Variants in CEP120 observed in about 807,000 individuals in gnomAD.
CEP120 encodes the protein centrosomal protein of 120 kDa.
Under a neutral mutation model 126.5 loss-of-function variants are expected in CEP120, and 113 were observed. That is an observed-to-expected ratio of 0.89 (90% CI 0.77 to 1.04). CEP120 has a LOEUF of 1.04. Ranked by LOEUF, CEP120 falls within the 50% of genes least tolerant of loss-of-function variation. The pLI, the probability that CEP120 is intolerant of heterozygous loss-of-function variation, is 0.00. For synonymous variants in CEP120, 400 were observed against 394.3 expected (o/e 1.01, Z -0.17); for missense variants, 1,230 against 1,155.7 (o/e 1.06, Z -0.93).
rs201232590 is a variant in CEP120 at position 123,377,356 on chromosome 5, A to G, written c.2358+18T>C. On this transcript the variant is annotated intron_variant, in intron 16 of 19. Transcript: ENST00000306467. ...CAAATAAACTAAGCATAAAAAGATG[A>G]CAAGTACGTTATCCAACCTGTTGCT... 85 of 1,598,124 alleles carry G rather than the reference A, an allele frequency of 5.3e-5. 1 individual carries two copies. Among genetic ancestry groups the G allele is most frequent in the Non-Finnish European group, 2.0e-5 (24 of 1,175,626 alleles).
chr5:123,391,464 G>T, intron 6 of CEP120, 127 bp from the exon 7 acceptor site: 1 of 659,114 alleles, frequency 1.5e-6, no homozygotes. Context: ...ATACCTCATT[G>T]ACCTCAAGTG....
chr5:123,358,099 A>G (rs1580638149), intron 18 of CEP120, among the ~76,000 whole-genome samples: 1 of 152,270 alleles, frequency 6.6e-6, no homozygotes, highest in East Asian at 1.9e-4. Flanking sequence ...AAATTGTGCA[A>G]TATTTATAGA....
intron 14 of CEP120, among the ~76,000 whole-genome samples, chr5:123,379,793 T>A (rs1771515082): frequency 6.6e-6 from 1 of 152,072 alleles, no homozygotes; most frequent in African/African-American, 2.4e-5. Flanking sequence ...TAATGCAGAG[T>A]GTATTTCAAA....
intron 17 of CEP120, among the ~76,000 whole-genome samples, chr5:123,367,922 C>CAAA (rs1770579567): frequency 6.6e-6 from 1 of 151,856 alleles, no homozygotes; most frequent in African/African-American, 2.4e-5. Context: ...CTCTTTGTCA[C>CAAA]TATTTTAAGA....
chr5:123,381,369 T>C (rs1395567118), intron 14 of CEP120, among the ~76,000 whole-genome samples: 1 of 126,350 alleles, frequency 7.9e-6, no homozygotes, highest in Non-Finnish European at 1.7e-5. Flanking sequence ...GAGGGGGTTA[T>C]AGAGAGAAGG....
At position 123,388,752 on chromosome 5, in the gene CEP120, A is replaced by G. The variant is rs6595441; in HGVS notation, c.1256-146T>C. Reference sequence around the variant, plus strand: ...TCATGAACATATGAATTGAGGTATAAGTATCTTAAAAGTAACTCACACAAA... The same window carrying G: ...TCATGAACATATGAATTGAGGTATAGGTATCTTAAAAGTAACTCACACAAA... On this transcript the variant is annotated intron_variant, in intron 8 of 19. Coordinates refer to ENST00000306467, the MANE Select transcript of CEP120 (RefSeq NM_001375405.1). The G allele has an allele frequency of 0.26, 140,032 of 531,558 alleles. 19,832 individuals are homozygous for G. The highest frequency in any genetic ancestry group is 0.31 in the African/African-American group (16,085 of 51,296). 32.9% of individuals were successfully genotyped at this position (531,558 alleles called of 1,614,324 possible).
rs2126954667 is a variant in CEP120, at chr5:123,345,375, C to T, written c.*1144G>A. 1 of 152,186 alleles carries T rather than the reference C, an allele frequency of 6.6e-6. No homozygotes were observed. Among genetic ancestry groups the T allele is most frequent in the South Asian group, 2.1e-4 (1 of 4,806 alleles). 9.4% of individuals were successfully genotyped at this position (152,186 alleles called of 1,614,324 possible). On this transcript the variant is annotated 3_prime_UTR_variant, in exon 20 of 20. Coordinates refer to ENST00000306467, the MANE Select transcript of CEP120 (RefSeq NM_001375405.1). ...TAATGTTACCATATATCCTACTCTGCTTTGATGGAAGTTATTGGTAACTTC... is the reference window on the plus strand; with the variant it reads ...TAATGTTACCATATATCCTACTCTGTTTTGATGGAAGTTATTGGTAACTTC...
chr5:123,390,164 T>C (rs767088648), intron 7 of CEP120, 24 bp from the exon 8 acceptor site: 1 of 1,507,298 alleles, frequency 6.6e-7, no homozygotes, highest in Non-Finnish European at 9.1e-7. Context: ...TTAAATAAAG[T>C]ATAATTTGCA....
intron 16 of CEP120, among the ~76,000 whole-genome samples, chr5:123,375,093 C>G (rs1265049714): frequency 1.3e-5 from 2 of 152,052 alleles, no homozygotes; most frequent in Non-Finnish European, 2.9e-5. Context: ...ACCCAAAAAG[C>G]TTTTCCACAC....
chr5:123,378,322 G>C lies in CEP120; in HGVS notation c.2196+14C>G, dbSNP rs758616531. On this transcript the variant is annotated intron_variant, in intron 15 of 19. Transcript: ENST00000306467. ...CTCTATGCTGAAAAAAAATACAATG[G>C]ACGAATGACATACCTCTGATTCCAC... The C allele has an allele frequency of 1.3e-6, 2 of 1,572,194 alleles. No homozygotes were observed. Among genetic ancestry groups the C allele is most frequent in the South Asian group, 1.2e-5 (1 of 85,560 alleles).
At chr5:123,399,620 A>G (rs1283966704) in intron 4 of CEP120, among the ~76,000 whole-genome samples, 1 of 152,204 alleles carries the variant, frequency 6.6e-6, no homozygotes, top group African/African-American at 2.4e-5. Context: ...GCAGCTGAAC[A>G]GGGAATGGGG....
chr5:123,346,927 A>T (rs1768864586), intron 19 of CEP120, among the ~76,000 whole-genome samples, 174 bp from the exon 20 acceptor site: 2 of 152,216 alleles, frequency 1.3e-5, no homozygotes, highest in Non-Finnish European at 2.9e-5. Flanking sequence ...CACATTTATA[A>T]AAGGCAACTT....
At chr5:123,403,801 C>A in intron 4 of CEP120, 1 of 354,108 alleles carries the variant, frequency 2.8e-6, no homozygotes, top group South Asian at 2.2e-5. Flanking sequence ...AAACAATCTA[C>A]AAATTAACTG....
chr5:123,401,672 AG>A, intron 4 of CEP120: 1 of 1,419,240 alleles, frequency 7.0e-7, no homozygotes, highest in Admixed American at 1.7e-5. Flanking sequence ...CAGCTGCCTG[AG>A]GAAGTTGATC....
At position 123,350,069 on chromosome 5, in the gene CEP120, C is replaced by T. The variant is rs754114492; in HGVS notation, c.2601G>A (p.Met867Ile). 6.2e-7 allele frequency: 1 copy of T among 1,612,112 alleles called. No homozygotes were observed. Among genetic ancestry groups the T allele is most frequent in the Non-Finnish European group, 8.5e-7 (1 of 1,179,408 alleles). ...RLKQREQESQ[M>I]ARLKKQQEEL... Reference sequence around the variant, plus strand: ...CTTCCTGCTGTTTTTTAAGACGAGCCATTTGACTTTCTTGCTCCCTCTTGA... The same window carrying T: ...CTTCCTGCTGTTTTTTAAGACGAGCTATTTGACTTTCTTGCTCCCTCTTGA... Residue 867 changes from methionine (M) to isoleucine (I), a missense_variant, in exon 19 of 20, where the codon ATG (methionine) becomes ATA (isoleucine). Transcript: ENST00000306467.
chr5:123,404,802 A>G (rs1016342607), intron 4 of CEP120, among the ~76,000 whole-genome samples: 1 of 152,226 alleles, frequency 6.6e-6, no homozygotes, highest in African/African-American at 2.4e-5. Flanking sequence ...ACTGAAGCAT[A>G]GTAGAATATC....
intron 19 of CEP120, among the ~76,000 whole-genome samples, chr5:123,347,068 C>A (rs777212932): frequency 2.6e-5 from 4 of 152,028 alleles, no homozygotes; most frequent in Non-Finnish European, 4.4e-5. Flanking sequence ...AATGTGATCC[C>A]AATTTGAGTA....
intron 4 of CEP120, chr5:123,400,806 G>C (rs966872772): frequency 2.6e-6 from 2 of 781,302 alleles, no homozygotes; most frequent in Admixed American, 1.8e-5. Flanking sequence ...CTGAGGCCTA[G>C]GGCTGAGCCT....
At chr5:123,397,635 C>T (rs1772874300) in intron 5 of CEP120, among the ~76,000 whole-genome samples, 1 of 152,134 alleles carries the variant, frequency 6.6e-6, no homozygotes, top group South Asian at 2.1e-4. Context: ...ACACCAAGTT[C>T]TTTATATAGT....
Sources: allele counts gnomAD v4.1 joint callset (sites outside exome capture counted in the v4.1 genomes callset), GRCh38; gene constraint gnomAD v4.1.1; transcripts MANE v1.5; gene names NCBI Gene and HGNC (gene_info 2026-07-23, HGNC 2026-07-21).